ADGRE1: variants seen among roughly 807,000 people sequenced by gnomAD.
ADGRE1 encodes the protein adhesion G protein-coupled receptor E1, also known as EGF-like module receptor 1.
ADGRE1 carries 82 observed loss-of-function variants against 102.7 expected under a neutral mutation model. The observed-to-expected ratio is 0.80, with a 90% CI of 0.67 to 0.96. ADGRE1 has a LOEUF of 0.96. Among genes scored for constraint, ADGRE1 ranks in the 40% least tolerant of loss-of-function variants. The pLI is 0.00. For missense variants in ADGRE1, 1,032 were observed against 1,085.3 expected (o/e 0.95, Z 0.69); for synonymous variants, 398 against 399.6 (o/e 1.00, Z 0.05).
intron 16 of ADGRE1, among the ~76,000 whole-genome samples, chr19:6,926,949 C>T (rs945067896): frequency 3.3e-5 from 5 of 152,014 alleles, no homozygotes; most frequent in African/African-American, 1.2e-4. Context: ...ATCCCAGCTA[C>T]TCGGGAGGCC....
intron 2 of ADGRE1, among the ~76,000 whole-genome samples, chr19:6,890,966 C>T (rs1973345327): frequency 1.3e-5 from 2 of 152,260 alleles, no homozygotes; most frequent in South Asian, 2.1e-4. Flanking sequence ...TAAATACTCT[C>T]ATCTACATAA....
rs1315751529 is a variant in ADGRE1 at position 6,904,105 on chromosome 19, C to G, written c.872C>G (p.Ser291Cys). 6.2e-7 allele frequency: 1 copy of G among 1,614,222 alleles called. No homozygotes were observed. The highest frequency in any genetic ancestry group is 8.5e-7 in the Non-Finnish European group (1 of 1,180,034). ...TCTATCTGCACCAATGCCCTGGGCT[C>G]CTACAGCTGTGGCTGCATTGCAGGC... ...PNSICTNALG[S>C]YSCGCIAGFH... The change falls in exon 8 of 21, where the codon TCC (serine) becomes TGC (cysteine). Residue 291 changes from serine (S) to cysteine (C), a missense_variant. Physicochemically the swap from Ser to Cys is moderately radical, Grantham distance 112. Coordinates refer to ENST00000312053, the MANE Select transcript of ADGRE1 (RefSeq NM_001974.5).
chr19:6,918,492 GA>G (rs1192469331), intron 12 of ADGRE1, among the ~76,000 whole-genome samples: 3 of 152,082 alleles, frequency 2.0e-5, no homozygotes, highest in Non-Finnish European at 2.9e-5. Flanking sequence ...TGTCTGGGGG[GA>G]CATCCAAGGG....
intron 14 of ADGRE1, 146 bp downstream of exon 14, chr19:6,922,029 C>G: frequency 1.1e-6 from 1 of 914,410 alleles, no homozygotes; most frequent in Non-Finnish European, 1.6e-6. Context: ...AGGTGATATG[C>G]CTTTGCCCCT....
chr19:6,895,493 G>A (rs910002008), intron 2 of ADGRE1: 4 of 152,302 alleles, frequency 2.6e-5, no homozygotes, highest in African/African-American at 9.6e-5. Flanking sequence ...ACACTTTTCT[G>A]TCTAGTGCTT....
At chr19:6,923,360 G>T (rs1974751290) in intron 14 of ADGRE1, among the ~76,000 whole-genome samples, 1 of 152,100 alleles carries the variant, frequency 6.6e-6, no homozygotes, top group Non-Finnish European at 1.5e-5. Flanking sequence ...TATATAGTAT[G>T]CTTCTGGCAC....
At chr19:6,928,076 T>C (rs970801183) in intron 16 of ADGRE1, 69 bp from the exon 17 acceptor site, 30 of 1,537,328 alleles carry the variant, frequency 2.0e-5, no homozygotes, top group East Asian at 9.1e-5. Flanking sequence ...AGGGCATTTG[T>C]TGGGACAGGG....
intron 9 of ADGRE1, among the ~76,000 whole-genome samples, 157 bp downstream of exon 9, chr19:6,906,678 G>T (rs1244656760): frequency 6.6e-6 from 1 of 152,198 alleles, no homozygotes; most frequent in Non-Finnish European, 1.5e-5. Context: ...TGTAAGCTGT[G>T]CAGAGCTCAT....
intron 16 of ADGRE1, among the ~76,000 whole-genome samples, 193 bp downstream of exon 16, chr19:6,926,794 CACT>C (rs1419406647): frequency 1.3e-5 from 2 of 152,056 alleles, no homozygotes; most frequent in African/African-American, 2.4e-5. Context: ...AATCCAGGAT[CACT>C]ACTATTTGAG....
intron 17 of ADGRE1, 47 bp downstream of exon 17, chr19:6,928,258 A>G: frequency 6.2e-7 from 1 of 1,613,892 alleles, no homozygotes; most frequent in South Asian, 1.1e-5. Flanking sequence ...CTGAAGGAGG[A>G]GCAAGGAGAC....
rs1327503369 is a variant in ADGRE1 at position 6,937,174 on chromosome 19, C to T, written c.2382-69C>T. The T allele has an allele frequency of 3.3e-6, 5 of 1,537,850 alleles. No homozygotes were observed. The East Asian group carries it at 1.1e-4, about 35-fold the overall frequency. The stretch of plus-strand genomic sequence containing the variant: ...GGAGAGTGGCCACCTCAGACCATTC[C>T]TGGAAGTGTGGCCTGCAAGGACAAT... On this transcript the variant is annotated intron_variant, in intron 18 of 20. Transcript: ENST00000312053.
intron 20 of ADGRE1, 90 bp downstream of exon 20, chr19:6,937,738 A>G: frequency 8.1e-7 from 1 of 1,238,574 alleles, no homozygotes; most frequent in South Asian, 1.3e-5. Context: ...TGGGTACTGA[A>G]TGGGAGCTGA....
rs1008349586 is a variant in ADGRE1, at chr19:6,887,742, C to G, written c.31+103C>G. ...ATGGTCCAGCCAAGAGATCATAAGTCCAGACTGGATGCTGCAAACACCTTC... is the reference window on the plus strand; with the variant it reads ...ATGGTCCAGCCAAGAGATCATAAGTGCAGACTGGATGCTGCAAACACCTTC... On this transcript the variant is annotated intron_variant, in intron 1 of 20. Coordinates refer to ENST00000312053, the MANE Select transcript of ADGRE1 (RefSeq NM_001974.5). 4 of 1,263,384 alleles carry G rather than the reference C, an allele frequency of 3.2e-6. 1 individual carries two copies. The South Asian group carries it at 5.6e-5, about 18-fold the overall frequency. The allele number at this position is 1,263,384 out of a possible 1,614,324, so 78.3% of individuals were successfully genotyped here.
chr19:6,935,312 C>T (rs1975356412), intron 18 of ADGRE1, among the ~76,000 whole-genome samples: 1 of 152,072 alleles, frequency 6.6e-6, no homozygotes, highest in Admixed American at 6.6e-5. Flanking sequence ...GCCTCACCTA[C>T]AGAATGGGGA....
chr19:6,923,710 G>T (rs1482795869), intron 14 of ADGRE1, among the ~76,000 whole-genome samples: 1 of 151,390 alleles, frequency 6.6e-6, no homozygotes, highest in Non-Finnish European at 1.5e-5. Context: ...TTTTTTGTTT[G>T]TTTGTTTAGT....
At chr19:6,903,572 G>A (rs1483408904) in intron 6 of ADGRE1, among the ~76,000 whole-genome samples, 1 of 152,114 alleles carries the variant, frequency 6.6e-6, no homozygotes, top group Non-Finnish European at 1.5e-5. Context: ...AGGGAGGAGA[G>A]AAGTCACACC....
At chr19:6,912,234 G>GCA (rs367820286) in intron 10 of ADGRE1, among the ~76,000 whole-genome samples, 3 of 150,770 alleles carry the variant, frequency 2.0e-5, no homozygotes, top group Admixed American at 1.3e-4. Flanking sequence ...ACATATATAA[G>GCA]CACACACACA....
chr19:6,913,788 C>T lies in ADGRE1; in HGVS notation c.1258C>T (p.Pro420Ser), dbSNP rs762102098. ...CATGACACTGGCATCTTTTTGGAAA[C>T]CCTCAGCAAATATCACTCCGGCTGT... is the stretch of plus-strand genomic sequence containing the variant. Reference protein sequence around the residue: ...ESMTLASFWKPSANITPAVRT... With the variant: ...ESMTLASFWKSSANITPAVRT... The change falls in exon 11 of 21, where the codon CCC becomes TCC. Residue 420 changes from proline to serine, a missense_variant. By Grantham distance (74) the Pro-to-Ser change is moderately conservative (BLOSUM62 -1). Transcript: ENST00000312053. The T allele has an allele frequency of 1.2e-6, 2 of 1,611,444 alleles. No individual in the cohort carries two copies. The highest frequency in any genetic ancestry group is 1.7e-6 in the Non-Finnish European group (2 of 1,178,638).
At chr19:6,938,772 T>A (rs1975544025) in intron 20 of ADGRE1, among the ~76,000 whole-genome samples, 1 of 70,046 alleles carries the variant, frequency 1.4e-5, no homozygotes, top group Admixed American at 1.5e-4. Context: ...TCTATTTTCT[T>A]TTTTCTTTCT....
Sources: allele counts gnomAD v4.1 joint callset (sites outside exome capture counted in the v4.1 genomes callset), GRCh38; gene constraint gnomAD v4.1.1; transcripts MANE v1.5; gene names NCBI Gene and HGNC (gene_info 2026-07-23, HGNC 2026-07-21).